ST6GALNAC5: variants seen among roughly 807,000 people sequenced by gnomAD.
ST6GALNAC5 encodes the protein alpha-N-acetylgalactosaminide alpha-2,6-sialyltransferase 5.
A neutral mutation model predicts 33.6 loss-of-function variants in ST6GALNAC5; 27 were observed. The observed-to-expected ratio is 0.80, with a 90% CI of 0.59 to 1.11. The LOEUF is 1.11. Among genes scored for constraint, ST6GALNAC5 ranks in the 50% least tolerant of loss-of-function variants. The pLI, the probability that ST6GALNAC5 is intolerant of heterozygous loss-of-function variation, is 0.00. For synonymous variants in ST6GALNAC5, 194 were observed against 171.2 expected (o/e 1.13, Z -1.04); for missense variants, 428 against 454.0 (o/e 0.94, Z 0.52).
At chr1:76,962,956 T>C (rs547427544) in intron 2 of ST6GALNAC5, among the ~76,000 whole-genome samples, 17 of 152,230 alleles carry the variant, frequency 1.1e-4, no homozygotes, top group African/African-American at 3.9e-4. Flanking sequence ...AGAGTTGTTA[T>C]ATTATACTTC....
chr1:76,993,103 G>A (rs1272318086), intron 2 of ST6GALNAC5, among the ~76,000 whole-genome samples: 2 of 152,118 alleles, frequency 1.3e-5, no homozygotes, highest in Admixed American at 6.5e-5. Context: ...TGTGTGCCAT[G>A]CCCCTTTTGC....
chr1:77,036,560 G>A (rs568917084), intron 2 of ST6GALNAC5, among the ~76,000 whole-genome samples: 29 of 152,292 alleles, frequency 1.9e-4, no homozygotes, highest in African/African-American at 6.7e-4. Context: ...TCCAAATACT[G>A]GGCTTTAGAA....
At chr1:77,040,541 T>C (rs1014447296) in intron 2 of ST6GALNAC5, among the ~76,000 whole-genome samples, 3 of 149,552 alleles carry the variant, frequency 2.0e-5, no homozygotes, top group African/African-American at 5.0e-5. Flanking sequence ...TCGGAAAGAG[T>C]GTTCAGCTGG....
At chr1:76,994,053 A>T (rs79814992) in intron 2 of ST6GALNAC5, among the ~76,000 whole-genome samples, 2,467 of 152,308 alleles carry the variant, frequency 0.016, 67 homozygotes, top group African/African-American at 0.057. Context: ...ATGTCATTAT[A>T]AATATATTTT....
chr1:77,011,006 C>T (rs1650613902), intron 2 of ST6GALNAC5, among the ~76,000 whole-genome samples: 1 of 152,172 alleles, frequency 6.6e-6, no homozygotes, highest in South Asian at 2.1e-4. Context: ...CTGACTAAAA[C>T]CGTTGATCCT....
chr1:76,936,357 T>G (rs1647203511), intron 2 of ST6GALNAC5, among the ~76,000 whole-genome samples: 2 of 152,086 alleles, frequency 1.3e-5, no homozygotes, highest in African/African-American at 4.8e-5. Flanking sequence ...GTATATACCT[T>G]TTTAAAGCAA....
intron 2 of ST6GALNAC5, among the ~76,000 whole-genome samples, chr1:77,011,998 T>C (rs1650653273): frequency 6.6e-6 from 1 of 152,174 alleles, no homozygotes; most frequent in Non-Finnish European, 1.5e-5. Context: ...AGAAGCTAAA[T>C]GATTTGCCCA....
chr1:76,981,129 C>A (rs1649233105), intron 2 of ST6GALNAC5, among the ~76,000 whole-genome samples: 1 of 152,216 alleles, frequency 6.6e-6, no homozygotes, highest in Admixed American at 6.5e-5. Flanking sequence ...GTTCATCTCA[C>A]TAGGACTGCT....
intron 2 of ST6GALNAC5, among the ~76,000 whole-genome samples, chr1:76,879,335 T>C (rs1437893009): frequency 6.6e-6 from 1 of 152,182 alleles, no homozygotes; most frequent in East Asian, 1.9e-4. Flanking sequence ...TTTAACTCCC[T>C]GAGCTGCAGT....
intron 4 of ST6GALNAC5, among the ~76,000 whole-genome samples, chr1:77,058,364 T>G (rs547171380): frequency 5.9e-5 from 9 of 152,272 alleles, no homozygotes; most frequent in African/African-American, 2.2e-4. Flanking sequence ...GTGGCAGGTG[T>G]TTGGGTCATG....
chr1:77,028,943 T>G (rs1244319300), intron 2 of ST6GALNAC5, among the ~76,000 whole-genome samples: 1 of 152,176 alleles, frequency 6.6e-6, no homozygotes, highest in Non-Finnish European at 1.5e-5. Context: ...CTGGGACAGC[T>G]GGGAGTGCAT....
rs116828099 is a variant in ST6GALNAC5, at chr1:76,976,315, A to T, written c.262-67889A>T. The stretch of plus-strand genomic sequence containing the variant: ...GCATATTGCATTATGAAAAGAATTT[A>T]AAAATTATTTGCTTATAATTTATTT... On this transcript the variant is annotated intron_variant, in intron 2 of 4. Coordinates refer to ENST00000477717, the MANE Select transcript of ST6GALNAC5 (RefSeq NM_030965.3). Among the ~76,000 whole-genome samples, 499 of 152,292 alleles carry T rather than the reference A, an allele frequency of 3.3e-3. 2 individuals carry two copies. Among genetic ancestry groups the T allele is most frequent in the African/African-American group, 0.011 (452 of 41,568 alleles).
At chr1:76,867,744 G>A in intron 1 of ST6GALNAC5, 54 bp downstream of exon 1, 1 of 1,613,910 alleles carries the variant, frequency 6.2e-7, no homozygotes, top group Non-Finnish European at 8.5e-7. Context: ...CCGGGCTCAG[G>A]GTCCACGGGA....
chr1:76,882,847 A>G (rs540694971), intron 2 of ST6GALNAC5, among the ~76,000 whole-genome samples: 1 of 152,234 alleles, frequency 6.6e-6, no homozygotes, highest in Admixed American at 6.5e-5. Context: ...AAGGCCCAAC[A>G]GGATCTTGCT....
chr1:77,010,773 C>T (rs1015076084), intron 2 of ST6GALNAC5, among the ~76,000 whole-genome samples: 1 of 152,196 alleles, frequency 6.6e-6, no homozygotes, highest in Non-Finnish European at 1.5e-5. Flanking sequence ...CCTTAAAGAT[C>T]TTAAGGATTG....
intron 2 of ST6GALNAC5, among the ~76,000 whole-genome samples, chr1:76,917,255 G>A (rs1203687866): frequency 6.6e-6 from 1 of 152,062 alleles, no homozygotes; most frequent in East Asian, 1.9e-4. Flanking sequence ...ACAGTTATAA[G>A]CAATTGACAC....
intron 2 of ST6GALNAC5, among the ~76,000 whole-genome samples, chr1:76,882,715 C>T (rs1047723265): frequency 2.6e-5 from 4 of 152,132 alleles, no homozygotes; most frequent in African/African-American, 9.7e-5. Flanking sequence ...TGAGACATCT[C>T]CATTGACTGA....
At chr1:77,016,299 C>T (rs1180046873) in intron 2 of ST6GALNAC5, among the ~76,000 whole-genome samples, 3 of 146,148 alleles carry the variant, frequency 2.1e-5, no homozygotes, top group Non-Finnish European at 4.5e-5. Context: ...TGTATCTCCT[C>T]CCCCTCCTCC....
At chr1:76,996,187 C>T (rs140529362) in intron 2 of ST6GALNAC5, among the ~76,000 whole-genome samples, 128 of 152,244 alleles carry the variant, frequency 8.4e-4, no homozygotes, top group Non-Finnish European at 1.5e-3. Flanking sequence ...GGTCTTGAAC[C>T]CCTGTCTTCT....
Sources: allele counts gnomAD v4.1 joint callset (sites outside exome capture counted in the v4.1 genomes callset), GRCh38; gene constraint gnomAD v4.1.1; transcripts MANE v1.5; gene names NCBI Gene and HGNC (gene_info 2026-07-23, HGNC 2026-07-21).